KCNH7: variants seen among roughly 807,000 people sequenced by gnomAD.
The protein encoded by KCNH7 is voltage-gated inwardly rectifying potassium channel KCNH7.
In KCNH7, 49 loss-of-function variants were observed where a neutral mutation model predicts 120.8. That is an observed-to-expected ratio of 0.41 (90% CI 0.32 to 0.51). The LOEUF (loss-of-function observed/expected upper bound fraction) is 0.51, where lower values mean the gene tolerates loss of function less well. Ranked by LOEUF, KCNH7 falls within the 20% of genes least tolerant of loss-of-function variation. KCNH7 has a pLI of 0.38. For synonymous variants in KCNH7, 547 were observed against 516.1 expected (o/e 1.06, Z -0.81); for missense variants, 1,097 against 1,446.6 (o/e 0.76, Z 3.92).
intron 5 of KCNH7, among the ~76,000 whole-genome samples, chr2:162,509,972 T>C (rs973676595): frequency 1.3e-5 from 2 of 151,436 alleles, no homozygotes; most frequent in Admixed American, 1.3e-4. Context: ...GTAGAGAAAG[T>C]GAGGTAGATT....
At chr2:162,390,554 G>A (rs1162827994) in intron 12 of KCNH7, among the ~76,000 whole-genome samples, 1 of 151,812 alleles carries the variant, frequency 6.6e-6, no homozygotes, top group African/African-American at 2.4e-5. Flanking sequence ...TGGCCACTGA[G>A]CAGGTCATTG....
intron 6 of KCNH7, among the ~76,000 whole-genome samples, chr2:162,493,041 GA>G: frequency 6.6e-6 from 1 of 151,868 alleles, no homozygotes; most frequent in African/African-American, 2.4e-5. Context: ...TCCATTTTGG[GA>G]AAAAAATATT....
chr2:162,467,213 G>C (rs1161500100), intron 6 of KCNH7, among the ~76,000 whole-genome samples: 1 of 152,204 alleles, frequency 6.6e-6, no homozygotes, highest in African/African-American at 2.4e-5. Context: ...AAGGTGAAGT[G>C]ATTCTTTCAC....
intron 2 of KCNH7, among the ~76,000 whole-genome samples, chr2:162,551,289 A>G (rs1198029767): frequency 6.6e-6 from 1 of 152,220 alleles, no homozygotes; most frequent in Non-Finnish European, 1.5e-5. Flanking sequence ...AAAGCACCAC[A>G]ATGTGTTTAC....
intron 2 of KCNH7, among the ~76,000 whole-genome samples, chr2:162,729,757 A>G (rs1259725404): frequency 1.3e-5 from 2 of 152,304 alleles, no homozygotes; most frequent in East Asian, 1.9e-4. Flanking sequence ...TGTTATTAAT[A>G]AGCTGTATTT....
chr2:162,599,276 C>T (rs1371697680), intron 2 of KCNH7, among the ~76,000 whole-genome samples: 1 of 151,566 alleles, frequency 6.6e-6, no homozygotes, highest in Non-Finnish European at 1.5e-5. Flanking sequence ...TCAAACAATT[C>T]TCAGAAATTA....
At chr2:162,761,603 A>G (rs559879236) in intron 2 of KCNH7, among the ~76,000 whole-genome samples, 1 of 152,228 alleles carries the variant, frequency 6.6e-6, no homozygotes, top group South Asian at 2.1e-4. Flanking sequence ...ATTATACACC[A>G]CATATTACAG....
chr2:162,590,946 C>G (rs377657172), intron 2 of KCNH7, among the ~76,000 whole-genome samples: 1 of 152,234 alleles, frequency 6.6e-6, no homozygotes, highest in East Asian at 1.9e-4. Flanking sequence ...TGGCCTGGCC[C>G]TTGCCTACCA....
At chr2:162,399,467 A>G (rs1687009432) in intron 10 of KCNH7, among the ~76,000 whole-genome samples, 1 of 151,652 alleles carries the variant, frequency 6.6e-6, no homozygotes, top group Non-Finnish European at 1.5e-5. Flanking sequence ...GGTGTGCTGC[A>G]CCCATTAACT....
chr2:162,525,227 CTG>C (rs566264551), intron 3 of KCNH7, among the ~76,000 whole-genome samples: 423 of 152,044 alleles, frequency 2.8e-3, no homozygotes, highest in African/African-American at 9.9e-3. Flanking sequence ...AAATTGGAAT[CTG>C]TAAGTTATGA....
intron 2 of KCNH7, among the ~76,000 whole-genome samples, chr2:162,830,278 G>A (rs1685430834): frequency 6.6e-6 from 1 of 152,122 alleles, no homozygotes; most frequent in Non-Finnish European, 1.5e-5. Context: ...CAGAGCCTCA[G>A]TAGAAGAAAA....
intron 3 of KCNH7, among the ~76,000 whole-genome samples, chr2:162,528,861 G>T (rs1184608266): frequency 6.6e-6 from 1 of 151,996 alleles, no homozygotes; most frequent in Non-Finnish European, 1.5e-5. Flanking sequence ...ATATGAGAGA[G>T]ATAGTTAAGA....
chr2:162,752,911 A>T, intron 2 of KCNH7, among the ~76,000 whole-genome samples: 1 of 45,004 alleles, frequency 2.2e-5, no homozygotes, highest in Non-Finnish European at 4.1e-5. Flanking sequence ...AGAAAAAGAA[A>T]AGAAAAGAAA....
chr2:162,402,993 TA>T (rs1188869628), intron 9 of KCNH7, among the ~76,000 whole-genome samples: 1 of 152,012 alleles, frequency 6.6e-6, no homozygotes, highest in East Asian at 1.9e-4. Flanking sequence ...TCAAATTACT[TA>T]ACTTCTCTGA....
At chr2:162,828,760 G>A (rs1685376217) in intron 2 of KCNH7, among the ~76,000 whole-genome samples, 1 of 152,084 alleles carries the variant, frequency 6.6e-6, no homozygotes, top group Admixed American at 6.6e-5. Context: ...AGTCTAGTTT[G>A]AGATCATTTT....
intron 6 of KCNH7, among the ~76,000 whole-genome samples, chr2:162,455,075 T>C (rs1487697573): frequency 6.6e-6 from 1 of 152,120 alleles, no homozygotes; most frequent in African/African-American, 2.4e-5. Context: ...GCTATGGGTT[T>C]GTCATAAATA....
intron 2 of KCNH7, among the ~76,000 whole-genome samples, chr2:162,833,423 C>T (rs1337022608): frequency 1.3e-5 from 2 of 152,010 alleles, no homozygotes; most frequent in East Asian, 1.9e-4. Context: ...AAAATACATG[C>T]CCATCCTTAT....
intron 2 of KCNH7, among the ~76,000 whole-genome samples, chr2:162,721,765 T>A (rs768080699): frequency 6.6e-6 from 1 of 151,958 alleles, no homozygotes; most frequent in Non-Finnish European, 1.5e-5. Context: ...AATTAAAAAA[T>A]TTCAGGTATT....
At chr2:162,412,590 A>C (rs1394554361) in intron 9 of KCNH7, among the ~76,000 whole-genome samples, 1 of 152,168 alleles carries the variant, frequency 6.6e-6, no homozygotes, top group African/African-American at 2.4e-5. Context: ...TGGCAAACAC[A>C]GTAAGGGCAC....
Sources: allele counts gnomAD v4.1 joint callset (sites outside exome capture counted in the v4.1 genomes callset), GRCh38; gene constraint gnomAD v4.1.1; transcripts MANE v1.5; gene names NCBI Gene and HGNC (gene_info 2026-07-23, HGNC 2026-07-21).